The following RAPH1 variants were observed in gnomAD, a reference collection of about 807,000 sequenced individuals.
The protein encoded by RAPH1 is Ras association (RalGDS/AF-6) and pleckstrin homology domains 1.
A neutral mutation model predicts 88.1 loss-of-function variants in RAPH1; 18 were observed. The observed-to-expected ratio is 0.20, with a 90% confidence interval of 0.14 to 0.30. RAPH1 has a LOEUF of 0.30. RAPH1 is among the 10% of genes least tolerant of loss of function. The pLI, the probability that RAPH1 is intolerant of heterozygous loss-of-function variation, is 1.00. For synonymous variants in RAPH1, 587 were observed against 559.0 expected (o/e 1.05, Z -0.71); for missense variants, 1,448 against 1,543.2 (o/e 0.94, Z 1.03).
At chr2:203,530,540 A>T (rs528523470) in intron 1 of RAPH1, among the ~76,000 whole-genome samples, 16 of 152,298 alleles carry the variant, frequency 1.1e-4, no homozygotes, top group African/African-American at 3.4e-4. Flanking sequence ...TTTCTGCCCC[A>T]TCGCACCCCC....
chr2:203,474,854 T>TA (rs1312266637), intron 4 of RAPH1, among the ~76,000 whole-genome samples: 4 of 152,268 alleles, frequency 2.6e-5, no homozygotes, highest in African/African-American at 9.6e-5. Context: ...CTCATGCCTG[T>TA]AATCCCACCA....
At chr2:203,503,765 C>T (rs558734822) in intron 1 of RAPH1, among the ~76,000 whole-genome samples, 3 of 152,274 alleles carry the variant, frequency 2.0e-5, no homozygotes, top group African/African-American at 7.2e-5. Flanking sequence ...CCTATAAAAT[C>T]AAAAGCAAGC....
intron 8 of RAPH1, among the ~76,000 whole-genome samples, chr2:203,456,946 A>G (rs1322519577): frequency 2.0e-5 from 3 of 152,100 alleles, no homozygotes; most frequent in African/African-American, 7.2e-5. Context: ...CACATCCTTC[A>G]TTGACCAGCC....
intron 4 of RAPH1, 25 bp downstream of exon 4, chr2:203,489,559 C>A: frequency 1.4e-6 from 2 of 1,410,418 alleles, no homozygotes; most frequent in Non-Finnish European, 1.9e-6. Context: ...AACAAAATAC[C>A]AGGGAAAAAG....
rs895956558 is a variant in RAPH1, at chr2:203,448,213, A to G, written c.1513-134T>C. 7 of 679,642 alleles carry G rather than the reference A, an allele frequency of 1.0e-5. No individual in the cohort carries two copies. Among genetic ancestry groups the G allele is most frequent in the Non-Finnish European group, 1.6e-5 (7 of 443,716 alleles). The allele number at this position is 679,642 out of a possible 1,614,324, so 42.1% of individuals were successfully genotyped here. A position where few individuals can be genotyped will look rare whatever the true frequency, so the allele number is the denominator to read the frequency against. On this transcript the variant is annotated intron_variant, in intron 11 of 13. Transcript: ENST00000319170. This position sits in a 1 kb window ranked among gnomAD's most constrained non-coding sequence, Gnocchi z 4.1. ...AAAATTAATACCTATGATAGTTCAA[A>G]AATTCCTCTAATACCATAAATTATA...
intron 1 of RAPH1, among the ~76,000 whole-genome samples, chr2:203,522,895 C>CAAAAAAAAAA (rs59862473): frequency 1.0e-4 from 9 of 85,820 alleles, no homozygotes; most frequent in African/African-American, 2.7e-4. Flanking sequence ...GACTCTGTCT[C>CAAAAAAAAAA]AAAAAAAAAA....
At chr2:203,495,098 T>C (rs1688453714) in intron 2 of RAPH1, 136 bp downstream of exon 2, 1 of 886,566 alleles carries the variant, frequency 1.1e-6, no homozygotes, top group African/African-American at 1.7e-5. Flanking sequence ...TTCATTTACT[T>C]GTCAATACTT....
In RAPH1 at chr2:203,439,963, G is replaced by C; in HGVS notation, c.3227C>G (p.Pro1076Arg). Residue 1076 changes from proline (P) to arginine (R), a missense_variant, in exon 14 of 14, where the codon CCT becomes CGT. Around this residue, in one of 2 missense-constraint regions of RAPH1, gnomAD observed 935 missense variants for 890.1 expected, o/e 1.05. Transcript: ENST00000319170. ...SPPSDSDFPPPPPETELPLPP... is the reference protein window; with the variant it reads ...SPPSDSDFPPRPPETELPLPP... ...CAGAGGAAGCTCTGTTTCAGGTGGA[G>C]GGGGTGGAAAATCAGAATCGGATGG... The C allele has an allele frequency of 6.2e-7, 1 of 1,613,830 alleles. No homozygotes were observed.
chr2:203,496,151 G>A (rs1276748286), intron 1 of RAPH1, among the ~76,000 whole-genome samples: 1 of 152,084 alleles, frequency 6.6e-6, no homozygotes, highest in East Asian at 1.9e-4. Flanking sequence ...CTGTGGTCAG[G>A]GGTTTGAAAC....
At chr2:203,519,232 T>C (rs894473350) in intron 1 of RAPH1, among the ~76,000 whole-genome samples, 6 of 152,310 alleles carry the variant, frequency 3.9e-5, no homozygotes, top group Admixed American at 6.5e-5. Context: ...TGAACATAGA[T>C]GCAAAAATCC....
At chr2:203,496,612 G>GT (rs535126868) in intron 1 of RAPH1, among the ~76,000 whole-genome samples, 14 of 151,936 alleles carry the variant, frequency 9.2e-5, no homozygotes, top group Non-Finnish European at 1.6e-4. Context: ...CAAATTAAAT[G>GT]TTTTTTTTCT....
chr2:203,465,784 G>T (rs970968619), intron 4 of RAPH1, among the ~76,000 whole-genome samples: 1 of 152,144 alleles, frequency 6.6e-6, no homozygotes, highest in African/African-American at 2.4e-5. Flanking sequence ...GGCTGAGAAA[G>T]GGAGAATTGC....
intron 4 of RAPH1, among the ~76,000 whole-genome samples, chr2:203,484,564 A>G (rs955271152): frequency 2.6e-5 from 4 of 152,186 alleles, no homozygotes; most frequent in Middle Eastern, 3.2e-3. Context: ...GAAGATGTGG[A>G]AAAAAAGCAT....
chr2:203,460,870 A>G (rs2098523698), intron 6 of RAPH1, among the ~76,000 whole-genome samples: 1 of 151,660 alleles, frequency 6.6e-6, no homozygotes, highest in Non-Finnish European at 1.5e-5. Context: ...TAATCCCAGC[A>G]CTTTGGGAGG....
At chr2:203,463,068 GGT>G in intron 4 of RAPH1, among the ~76,000 whole-genome samples, 1 of 152,040 alleles carries the variant, frequency 6.6e-6, no homozygotes, top group East Asian at 1.9e-4. Flanking sequence ...TGCTCTTGGT[GGT>G]GTGTGCCTGT....
At chr2:203,477,630 C>A (rs1186801835) in intron 4 of RAPH1, among the ~76,000 whole-genome samples, 1 of 152,154 alleles carries the variant, frequency 6.6e-6, no homozygotes, top group African/African-American at 2.4e-5. Context: ...TCATGAGGAT[C>A]TTCATCATTA....
intron 4 of RAPH1, among the ~76,000 whole-genome samples, chr2:203,465,208 C>T (rs927262185): frequency 1.3e-5 from 2 of 152,164 alleles, no homozygotes; most frequent in Admixed American, 1.3e-4. Flanking sequence ...TTTATAGCAA[C>T]CTTATTCATG....
chr2:203,455,387 A>G, intron 9 of RAPH1, 50 bp downstream of exon 9: 1 of 1,572,846 alleles, frequency 6.4e-7, no homozygotes, highest in Non-Finnish European at 8.7e-7. Flanking sequence ...ATACAAATTA[A>G]AAGCAATTAG....
At chr2:203,483,801 A>T (rs1367355492) in intron 4 of RAPH1, among the ~76,000 whole-genome samples, 1 of 152,152 alleles carries the variant, frequency 6.6e-6, no homozygotes, top group Non-Finnish European at 1.5e-5. Flanking sequence ...TAGAGGTGGG[A>T]CACTCTGCTC....
Sources: allele counts gnomAD v4.1 joint callset (sites outside exome capture counted in the v4.1 genomes callset), GRCh38; gene constraint gnomAD v4.1.1; regional missense constraint gnomAD v4.1.1; non-coding constraint Gnocchi (gnomAD v3.1); transcripts MANE v1.5; gene names NCBI Gene and HGNC (gene_info 2026-07-23, HGNC 2026-07-21).